Variants in AFF3 observed in about 807,000 individuals in gnomAD.
AFF3 encodes the protein ALF transcription elongation factor 3.
AFF3 carries 32 observed loss-of-function variants against 129.7 expected under a neutral mutation model. That is an observed-to-expected ratio of 0.25 (90% CI 0.19 to 0.33). AFF3 has a LOEUF of 0.33. Ranked by LOEUF, AFF3 falls within the 10% of genes least tolerant of loss-of-function variation. AFF3 has a pLI of 1.00. For synonymous variants in AFF3, 644 were observed against 635.4 expected (o/e 1.01, Z -0.20); for missense variants, 1,373 against 1,592.0 (o/e 0.86, Z 2.34).
intron 8 of AFF3, among the ~76,000 whole-genome samples, chr2:99,789,446 C>A (rs1322623912): frequency 1.7e-3 from 105 of 62,020 alleles, no homozygotes; most frequent in South Asian, 2.7e-3. Flanking sequence ...GCCCTGTCAC[C>A]AAAAAAAAAA....
At chr2:99,951,750 A>G (rs1454370492) in intron 7 of AFF3, among the ~76,000 whole-genome samples, 1 of 152,158 alleles carries the variant, frequency 6.6e-6, no homozygotes, top group Admixed American at 6.5e-5. Context: ...GGTTCAAGCC[A>G]TTCTCCTGCC....
At chr2:99,745,314 G>A (rs1303942114) in intron 9 of AFF3, among the ~76,000 whole-genome samples, 2 of 152,100 alleles carry the variant, frequency 1.3e-5, no homozygotes, top group East Asian at 3.9e-4. Flanking sequence ...CTCCCATCCT[G>A]TCAATTGTCT....
intron 7 of AFF3, among the ~76,000 whole-genome samples, chr2:99,967,111 T>C (rs1296569584): frequency 6.6e-6 from 1 of 152,102 alleles, no homozygotes; most frequent in Admixed American, 6.5e-5. Flanking sequence ...CTCACAATTC[T>C]CACCCCAGCC....
chr2:100,092,466 A>G (rs1689937907), intron 4 of AFF3, among the ~76,000 whole-genome samples: 1 of 152,122 alleles, frequency 6.6e-6, no homozygotes, highest in Admixed American at 6.5e-5. Context: ...AGAAATAATA[A>G]AAAAATGCAA....
intron 13 of AFF3, among the ~76,000 whole-genome samples, chr2:99,607,435 G>A (rs1286489475): frequency 6.6e-6 from 1 of 152,050 alleles, no homozygotes; most frequent in Admixed American, 6.5e-5. Context: ...GGGAGGCTGA[G>A]GCAGGAGAAT....
intron 4 of AFF3, among the ~76,000 whole-genome samples, chr2:100,074,616 G>A (rs969334145): frequency 1.3e-5 from 2 of 152,130 alleles, no homozygotes; most frequent in African/African-American, 2.4e-5. Flanking sequence ...GAATTCTTTG[G>A]TTTAACAAGG....
chr2:100,098,505 A>G (rs1164136362), intron 4 of AFF3, among the ~76,000 whole-genome samples: 2 of 144,808 alleles, frequency 1.4e-5, no homozygotes, highest in Non-Finnish European at 3.0e-5. Context: ...TATTAAGCCA[A>G]AGGTCTTCGT....
intron 16 of AFF3, among the ~76,000 whole-genome samples, chr2:99,584,242 C>A: frequency 6.6e-6 from 1 of 151,468 alleles, no homozygotes. Flanking sequence ...CCAAGGTGGG[C>A]GTATCACTTG....
chr2:99,800,089 A>G (rs573422766), intron 8 of AFF3, among the ~76,000 whole-genome samples: 2 of 152,324 alleles, frequency 1.3e-5, no homozygotes, highest in African/African-American at 4.8e-5. Flanking sequence ...ACTTCATAGA[A>G]ATTAATTTTT....
intron 11 of AFF3, among the ~76,000 whole-genome samples, chr2:99,688,003 C>T (rs981456648): frequency 1.3e-5 from 2 of 152,086 alleles, no homozygotes; most frequent in East Asian, 1.9e-4. Flanking sequence ...CCACCACGCC[C>T]GGCTAATTTT....
intron 8 of AFF3, among the ~76,000 whole-genome samples, chr2:99,799,915 C>T (rs1685810688): frequency 6.6e-6 from 1 of 152,082 alleles, no homozygotes; most frequent in African/African-American, 2.4e-5. Flanking sequence ...GTTGAATTTC[C>T]ATCCACACTT....
chr2:100,059,336 C>T (rs1365732866), intron 4 of AFF3, among the ~76,000 whole-genome samples: 1 of 143,642 alleles, frequency 7.0e-6, no homozygotes, highest in African/African-American at 2.6e-5. Flanking sequence ...CAAATAAGCA[C>T]AGGAAAAGGT....
At chr2:100,065,620 G>A (rs1338171952) in intron 4 of AFF3, among the ~76,000 whole-genome samples, 1 of 152,104 alleles carries the variant, frequency 6.6e-6, no homozygotes, top group Non-Finnish European at 1.5e-5. Context: ...ACTAAAACAT[G>A]AATTCTAGGA....
In AFF3 at chr2:99,551,442, C is replaced by G; in HGVS notation, c.*32G>C. The stretch of plus-strand genomic sequence containing the variant: ...AAAAACGTTGAGCCATCTGTGGAGA[C>G]CAGAGCCCACTCTGGCCCCAGGGTG... On this transcript the variant is annotated 3_prime_UTR_variant, in exon 25 of 25. Coordinates refer to ENST00000672756, the MANE Select transcript of AFF3 (RefSeq NM_001386135.1). The G allele has an allele frequency of 6.2e-7, 1 of 1,613,166 alleles. No homozygotes were observed. The highest frequency in any genetic ancestry group is 8.5e-7 in the Non-Finnish European group (1 of 1,179,826).
At chr2:100,042,420 A>C (rs547172260) in intron 4 of AFF3, among the ~76,000 whole-genome samples, 2 of 152,322 alleles carry the variant, frequency 1.3e-5, no homozygotes, top group East Asian at 3.9e-4. Context: ...AGCTCCAATA[A>C]GAAAGTAGTT....
intron 13 of AFF3, among the ~76,000 whole-genome samples, chr2:99,608,405 T>C (rs543736795): frequency 1.4e-4 from 21 of 152,340 alleles, no homozygotes; most frequent in Admixed American, 1.3e-3. Flanking sequence ...ACGTTAAGGA[T>C]TGGAATCATC....
intron 18 of AFF3, among the ~76,000 whole-genome samples, chr2:99,569,703 T>A (rs1026123037): frequency 2.0e-5 from 3 of 152,182 alleles, no homozygotes; most frequent in African/African-American, 7.2e-5. Flanking sequence ...TCTTTAAGTG[T>A]TTAGCCCGAT....
intron 7 of AFF3, among the ~76,000 whole-genome samples, chr2:99,893,792 C>A (rs1693743421): frequency 6.6e-6 from 1 of 152,190 alleles, no homozygotes; most frequent in South Asian, 2.1e-4. Context: ...CTTCCAAATA[C>A]CTTTATCACT....
chr2:99,752,030 A>G (rs181269572), intron 9 of AFF3, among the ~76,000 whole-genome samples, 191 bp downstream of exon 9: 1 of 152,372 alleles, frequency 6.6e-6, no homozygotes, highest in East Asian at 1.9e-4. Context: ...GTAGGTAAGT[A>G]AGATTGGAGG....
Sources: allele counts gnomAD v4.1 joint callset (sites outside exome capture counted in the v4.1 genomes callset), GRCh38; gene constraint gnomAD v4.1.1; transcripts MANE v1.5; gene names NCBI Gene and HGNC (gene_info 2026-07-23, HGNC 2026-07-21).